Variants in CCDC181 observed in about 807,000 individuals in gnomAD.
The protein encoded by CCDC181 is coiled-coil domain containing 181.
In CCDC181, 35 loss-of-function variants were observed where a neutral mutation model predicts 58.7. The observed-to-expected ratio is 0.60, with a 90% confidence interval of 0.46 to 0.79. The LOEUF (loss-of-function observed/expected upper bound fraction) is 0.79. Among genes scored for constraint, CCDC181 ranks in the 30% least tolerant of loss-of-function variants. CCDC181 has a pLI of 0.00. For missense variants in CCDC181, 517 were observed against 583.9 expected (o/e 0.89, Z 1.18); for synonymous variants, 183 against 197.5 (o/e 0.93, Z 0.62).
intron 2 of CCDC181, among the ~76,000 whole-genome samples, chr1:169,447,413 T>C (rs976422424): frequency 4.6e-5 from 7 of 152,210 alleles, no homozygotes; most frequent in Non-Finnish European, 1.5e-5. Context: ...CCACGGTGCC[T>C]GGCCTGTAAA....
chr1:169,444,276 A>G (rs1286197880), intron 2 of CCDC181, among the ~76,000 whole-genome samples: 1 of 149,130 alleles, frequency 6.7e-6, no homozygotes, highest in African/African-American at 2.5e-5. Flanking sequence ...TTAAGCAGCC[A>G]GTTTTAAAAA....
At chr1:169,426,083 ACT>A (rs770862711) in intron 1 of CCDC181, among the ~76,000 whole-genome samples, 3 of 152,172 alleles carry the variant, frequency 2.0e-5, no homozygotes, top group Non-Finnish European at 4.4e-5. Flanking sequence ...AGTTAAGGTA[ACT>A]CTGAGAAGTA....
At position 169,418,901 on chromosome 1, in the gene CCDC181, C is replaced by T. The variant is rs76201195; in HGVS notation, c.1215+112G>A. ...ATCTTTTGCAAGGGTAGTTCTTGAA[C>T]AACTTTTCTACTTCTTCCATAGGCT... On this transcript the variant is annotated intron_variant, in intron 4 of 5. Coordinates refer to ENST00000367806, the MANE Select transcript of CCDC181 (RefSeq NM_001300969.2). 3,684 of 813,838 alleles carry T rather than the reference C, an allele frequency of 4.5e-3. 59 individuals carry two copies. In the African/African-American group the frequency reaches 0.047, roughly 10 times the overall value. 50.4% of individuals were successfully genotyped at this position (813,838 alleles called of 1,614,324 possible).
chr1:169,437,303 A>G (rs1297979674), intron 2 of CCDC181, among the ~76,000 whole-genome samples: 1 of 152,202 alleles, frequency 6.6e-6, no homozygotes, highest in Non-Finnish European at 1.5e-5. Flanking sequence ...ATCCTTAAAT[A>G]TTGTAGCCTC....
upstream of CCDC181, among the ~76,000 whole-genome samples, chr1:169,428,029 A>C (rs1203568601): frequency 6.6e-6 from 1 of 152,230 alleles, no homozygotes; most frequent in African/African-American, 2.4e-5. Flanking sequence ...CCAGAAATAA[A>C]TAAGAACTGG....
In CCDC181 at chr1:169,421,327, C is replaced by G. The variant is rs762815249; in HGVS notation, c.1068+36G>C. ...TGCATTTATAAAACAGTAAAACATA[C>G]TCTACTTTTAATATAATGCCCACTT... is the stretch of plus-strand genomic sequence containing the variant. On this transcript the variant is annotated intron_variant, in intron 3 of 5. Coordinates refer to ENST00000367806, the MANE Select transcript of CCDC181 (RefSeq NM_001300969.2). 5.5e-6 allele frequency: 8 copies of G among 1,463,652 alleles called. No homozygotes were observed. The South Asian group carries it at 1.0e-4, about 18-fold the overall frequency. The allele number at this position is 1,463,652 out of a possible 1,614,324, so 90.7% of individuals were successfully genotyped here.
At position 169,405,505 on chromosome 1, in the gene CCDC181, T is replaced by C. The variant is rs531252423; in HGVS notation, c.1216-8114A>G. Among the ~76,000 whole-genome samples the C allele has an allele frequency of 3.3e-4, 50 of 152,204 alleles. No homozygotes were observed. In the East Asian group the frequency reaches 9.3e-3, roughly 28 times the overall value. The stretch of plus-strand genomic sequence containing the variant: ...CAGAACCCTCAGAAATAATACCACA[T>C]ATCTACAACCATCTGATCTTTGACA... On this transcript the variant is annotated intron_variant, in intron 4 of 5. Transcript: ENST00000367806.
At chr1:169,395,519 T>C (rs560721016) in intron 5 of CCDC181, among the ~76,000 whole-genome samples, 1 of 152,318 alleles carries the variant, frequency 6.6e-6, no homozygotes, top group South Asian at 2.1e-4. Context: ...AGAAACAGGA[T>C]TTCTTACTAT....
chr1:169,441,208 C>T (rs1379273648), intron 2 of CCDC181, among the ~76,000 whole-genome samples: 1 of 152,088 alleles, frequency 6.6e-6, no homozygotes, highest in African/African-American at 2.4e-5. Context: ...ATTGAGTTCA[C>T]ATTACTGAAC....
chr1:169,429,930 G>C (rs972054619), upstream of CCDC181, among the ~76,000 whole-genome samples: 5 of 152,108 alleles, frequency 3.3e-5, no homozygotes, highest in African/African-American at 9.7e-5. Context: ...GAATTTTTAT[G>C]GTTTCAGGTC....
chr1:169,440,930 C>CCAAAAAAAAAAAAAAAAAAAAAAAAAAA (rs1657206102), intron 2 of CCDC181, among the ~76,000 whole-genome samples: 1 of 29,534 alleles, frequency 3.4e-5, no homozygotes, highest in African/African-American at 9.3e-5. Context: ...GCAAGACTGT[C>CCAAAAAAAAAAAAAAAAAAAAAAAAAAA]TAAAAAAAAA....
chr1:169,423,850 G>T (rs369390358), intron 2 of CCDC181, among the ~76,000 whole-genome samples: 3 of 152,028 alleles, frequency 2.0e-5, no homozygotes, highest in East Asian at 1.9e-4. Flanking sequence ...AGCCATCTTA[G>T]AAAAATCTTC....
intron 4 of CCDC181, among the ~76,000 whole-genome samples, chr1:169,411,013 T>G (rs967722934): frequency 3.9e-5 from 6 of 152,062 alleles, no homozygotes; most frequent in Non-Finnish European, 8.8e-5. Flanking sequence ...ATTCAAAAGC[T>G]AGCAGAAAGC....
In CCDC181 at chr1:169,419,118, T is replaced by C. The variant is rs759119619; in HGVS notation, c.1110A>G (p.Arg370=). The C allele has an allele frequency of 6.2e-7, 1 of 1,608,740 alleles. No individual in the cohort carries two copies. The highest frequency in any genetic ancestry group is 8.5e-7 in the Non-Finnish European group (1 of 1,178,920). Residue 370 remains arginine, a synonymous_variant, in exon 4 of 6, where the codon AGA becomes AGG. Coordinates refer to ENST00000367806, the MANE Select transcript of CCDC181 (RefSeq NM_001300969.2). ...RKIEEEKEKK[R]ENDIVFKAWL... ...ACGCTTTAAATACTATGTCATTCTCTCTCTTTTTTTCTTTCTCTTCTTCTA... is the reference window on the plus strand; with the variant it reads ...ACGCTTTAAATACTATGTCATTCTCCCTCTTTTTTTCTTTCTCTTCTTCTA...
At chr1:169,415,143 C>T (rs1656156792) in intron 4 of CCDC181, among the ~76,000 whole-genome samples, 1 of 152,088 alleles carries the variant, frequency 6.6e-6, no homozygotes. Context: ...GCAAATATTG[C>T]ACAATATACT....
In CCDC181 at chr1:169,421,875, G is replaced by A. The variant is rs1450426265; in HGVS notation, c.556C>T (p.Leu186=). The change falls in exon 3 of 6, where the codon CTG becomes TTG. Residue 186 remains leucine (L), a synonymous_variant. Coordinates refer to ENST00000367806, the MANE Select transcript of CCDC181 (RefSeq NM_001300969.2). ...FENERNMFGK[L]SQLCISNDFG... ...TCATTGGAAATACATAATTGTGACA[G>A]TTTCCCAAACATATTCCTTTCGTTT... 1 of 1,613,886 alleles carries A rather than the reference G, an allele frequency of 6.2e-7. No individual in the cohort carries two copies. The highest frequency in any genetic ancestry group is 8.5e-7 in the Non-Finnish European group (1 of 1,179,930).
chr1:169,411,669 T>C (rs934115337), intron 4 of CCDC181, among the ~76,000 whole-genome samples: 1 of 152,082 alleles, frequency 6.6e-6, no homozygotes, highest in East Asian at 1.9e-4. Flanking sequence ...CAGCAGCACA[T>C]GAAAAAGTTC....
At chr1:169,401,277 G>A (rs2102044614) in intron 4 of CCDC181, among the ~76,000 whole-genome samples, 1 of 152,328 alleles carries the variant, frequency 6.6e-6, no homozygotes, top group East Asian at 1.9e-4. Context: ...AAACGTCCCA[G>A]TCTGACAGCT....
At chr1:169,400,715 G>C (rs1444086479) in intron 4 of CCDC181, among the ~76,000 whole-genome samples, 1 of 152,214 alleles carries the variant, frequency 6.6e-6, no homozygotes, top group Non-Finnish European at 1.5e-5. Flanking sequence ...TGGCCAAATA[G>C]GAACAGCTCC....
Sources: gnomAD v4.1 joint callset for allele counts (sites outside exome capture counted in the v4.1 genomes callset) on GRCh38, gnomAD v4.1.1 for gene constraint, MANE v1.5 for transcripts, NCBI Gene and HGNC (gene_info 2026-07-23, HGNC 2026-07-21) for gene names.